Variants in ADGRB3 observed in about 807,000 individuals in gnomAD.
The protein encoded by ADGRB3 is adhesion G protein-coupled receptor B3.
A neutral mutation model predicts 193.4 loss-of-function variants in ADGRB3; 37 were observed. That is an observed-to-expected ratio of 0.19 (90% CI 0.15 to 0.25). The LOEUF is 0.25. Ranked by LOEUF, ADGRB3 falls within the 10% of genes least tolerant of loss-of-function variation. ADGRB3 has a pLI of 1.00. For missense variants in ADGRB3, 1,637 were observed against 1,852.9 expected, an observed-to-expected ratio of 0.88 and a Z score of 2.14; for synonymous variants, 690 against 644.2, an observed-to-expected ratio of 1.07 and a Z score of -1.08.
intron 17 of ADGRB3, among the ~76,000 whole-genome samples, chr6:69,084,481 A>G (rs1401328078): frequency 6.6e-6 from 1 of 152,166 alleles, no homozygotes; most frequent in Non-Finnish European, 1.5e-5. Context: ...AATCCAAAAC[A>G]TTGCCAGTGA....
intron 3 of ADGRB3, among the ~76,000 whole-genome samples, chr6:68,704,079 A>G (rs1765287297): frequency 6.6e-6 from 1 of 152,220 alleles, no homozygotes; most frequent in Non-Finnish European, 1.5e-5. Context: ...TTGATTATAC[A>G]GCATTTTACC....
chr6:69,330,755 T>A (rs978114559), intron 23 of ADGRB3, among the ~76,000 whole-genome samples, 183 bp downstream of exon 23: 2 of 152,194 alleles, frequency 1.3e-5, no homozygotes, highest in Non-Finnish European at 2.9e-5. Context: ...ATATTCTTAT[T>A]TTGAATACTG....
At chr6:68,651,203 A>G (rs1294889182) in intron 3 of ADGRB3, among the ~76,000 whole-genome samples, 3 of 152,180 alleles carry the variant, frequency 2.0e-5, no homozygotes, top group Non-Finnish European at 2.9e-5. Context: ...TTTGCAACTT[A>G]AAGGGCAAAC....
intron 28 of ADGRB3, among the ~76,000 whole-genome samples, chr6:69,359,431 C>A (rs147818241): frequency 0.015 from 2,328 of 151,104 alleles, 57 homozygotes; most frequent in African/African-American, 0.054. Context: ...AAAGGCACAG[C>A]AAAATTGTTA....
intron 3 of ADGRB3, among the ~76,000 whole-genome samples, chr6:68,876,059 C>T (rs570892516): frequency 1.4e-4 from 22 of 151,872 alleles, no homozygotes; most frequent in African/African-American, 2.9e-4. Context: ...ATATATAATT[C>T]GGCTACTCTT....
intron 17 of ADGRB3, among the ~76,000 whole-genome samples, chr6:69,114,991 T>A (rs1773488286): frequency 6.6e-6 from 1 of 152,174 alleles, no homozygotes; most frequent in South Asian, 2.1e-4. Context: ...TTTTACACTG[T>A]TGGTGGGAGT....
chr6:69,340,059 T>C (rs9446108), intron 26 of ADGRB3, among the ~76,000 whole-genome samples: 1,629 of 152,292 alleles, frequency 0.011, 20 homozygotes, highest in African/African-American at 0.037. Flanking sequence ...ATGTTTACTC[T>C]TAGAAAAATA....
At chr6:68,800,602 G>A (rs148272248) in intron 3 of ADGRB3, among the ~76,000 whole-genome samples, 1 of 152,238 alleles carries the variant, frequency 6.6e-6, no homozygotes, top group Non-Finnish European at 1.5e-5. Context: ...GGAAGAGATT[G>A]CAGGGGAAAT....
At position 68,904,007 on chromosome 6, in the gene ADGRB3, A is replaced by G. The variant is rs1160807515; in HGVS notation, c.758-26552A>G. On this transcript the variant is annotated intron_variant, in intron 3 of 31. Transcript: ENST00000370598. ...AAGACAATATGAAAAAAAAAAAAAA[A>G]GGGGAGAAGAAGAGAGAGTAAACAA... is the stretch of plus-strand genomic sequence containing the variant. Among the ~76,000 whole-genome samples, 82 of 141,326 alleles carry G rather than the reference A, an allele frequency of 5.8e-4. 2 individuals carry two copies. The highest frequency in any genetic ancestry group is 3.5e-3 in the Middle Eastern group (1 of 282). The allele number at this position is 141,326 out of a possible 152,430, so 92.7% of individuals were successfully genotyped here. A position where few individuals can be genotyped will look rare whatever the true frequency, so the allele number is the denominator to read the frequency against.
At chr6:68,875,245 C>CTCCCCTCCCCTCCCT (rs1202270883) in intron 3 of ADGRB3, among the ~76,000 whole-genome samples, 2 of 2,074 alleles carry the variant, frequency 9.6e-4, no homozygotes, top group Non-Finnish European at 2.8e-3. Context: ...TCCCTCTGCC[C>CTCCCCTCCCCTCCCT]TCCCCTCCCC....
At chr6:68,898,704 C>T (rs1348730140) in intron 3 of ADGRB3, among the ~76,000 whole-genome samples, 1 of 152,076 alleles carries the variant, frequency 6.6e-6, no homozygotes, top group East Asian at 1.9e-4. Flanking sequence ...CAAATGCCAA[C>T]TAAAACAGGT....
rs549222028 is a variant in ADGRB3, at chr6:68,787,090, A to C, written c.758-143469A>C. 1.4e-4 allele frequency among the ~76,000 whole-genome samples: 22 copies of C among 152,244 alleles called. No individual in the cohort carries two copies. In the East Asian group the frequency reaches 2.7e-3, roughly 19 times the overall value. On this transcript the variant is annotated intron_variant, in intron 3 of 31. Coordinates refer to ENST00000370598, the MANE Select transcript of ADGRB3 (RefSeq NM_001704.3). The stretch of plus-strand genomic sequence containing the variant: ...GCGTTTTCTAGATATACAATCATGT[A>C]ATCTGCAAACAGGGACAATTTGACT...
intron 3 of ADGRB3, among the ~76,000 whole-genome samples, chr6:68,741,187 G>A (rs538038688): frequency 4.7e-4 from 72 of 152,186 alleles, no homozygotes; most frequent in African/African-American, 1.6e-3. Flanking sequence ...ACTATTACAA[G>A]TGTTTACATT....
At chr6:68,851,686 A>G (rs1181478500) in intron 3 of ADGRB3, among the ~76,000 whole-genome samples, 1 of 151,878 alleles carries the variant, frequency 6.6e-6, no homozygotes. Context: ...TGTAAAATTT[A>G]AAAGAATCCT....
intron 26 of ADGRB3, among the ~76,000 whole-genome samples, chr6:69,353,199 T>A (rs1019312097): frequency 6.6e-6 from 1 of 152,246 alleles, no homozygotes; most frequent in Non-Finnish European, 1.5e-5. Context: ...CTATTCATGT[T>A]CCTTGACTTG....
At chr6:68,807,824 T>C (rs1474649814) in intron 3 of ADGRB3, among the ~76,000 whole-genome samples, 1 of 152,118 alleles carries the variant, frequency 6.6e-6, no homozygotes, top group Non-Finnish European at 1.5e-5. Flanking sequence ...AGAGAATAGC[T>C]CAGTTGGTTA....
chr6:68,691,054 T>C (rs1262640073), intron 3 of ADGRB3, among the ~76,000 whole-genome samples: 1 of 152,094 alleles, frequency 6.6e-6, no homozygotes, highest in Non-Finnish European at 1.5e-5. Context: ...TTGCCAAAAA[T>C]ACTTTTAACT....
chr6:69,152,367 T>G (rs1483187354), intron 17 of ADGRB3, among the ~76,000 whole-genome samples: 1 of 152,232 alleles, frequency 6.6e-6, no homozygotes, highest in East Asian at 1.9e-4. Flanking sequence ...CTCTTCTTAA[T>G]GCAAATTGAG....
chr6:69,018,367 T>A, intron 12 of ADGRB3, 24 bp from the exon 13 acceptor site: 1 of 1,493,070 alleles, frequency 6.7e-7, no homozygotes, highest in Non-Finnish European at 9.2e-7. Context: ...TTTTATTCCT[T>A]CTAACCTTTG....
Sources: gnomAD v4.1 joint callset for allele counts (sites outside exome capture counted in the v4.1 genomes callset) on GRCh38, gnomAD v4.1.1 for gene constraint, MANE v1.5 for transcripts, NCBI Gene and HGNC (gene_info 2026-07-23, HGNC 2026-07-21) for gene names.